RIF1: variants seen among roughly 807,000 people sequenced by gnomAD.
RIF1 encodes the protein replication timing regulatory factor 1, also known as telomere-associated protein RIF1.
A neutral mutation model predicts 247.1 loss-of-function variants in RIF1; 45 were observed. The observed-to-expected ratio is 0.18, with a 90% CI of 0.14 to 0.23. The LOEUF is 0.23. Ranked by LOEUF, RIF1 falls within the 10% of genes least tolerant of loss-of-function variation. The pLI, the probability that RIF1 is intolerant of heterozygous loss-of-function variation, is 1.00. For missense variants in RIF1, 2,967 were observed against 2,862.5 expected (o/e 1.04, Z -0.83); for synonymous variants, 1,087 against 978.8 (o/e 1.11, Z -2.06).
chr2:151,488,142 C>T (rs905263942), intron 9 of RIF1, among the ~76,000 whole-genome samples: 4 of 151,878 alleles, frequency 2.6e-5, no homozygotes, highest in Non-Finnish European at 5.9e-5. Flanking sequence ...ATTTTGAGGG[C>T]GAGGGGAATA....
the RIF1 span, among the ~76,000 whole-genome samples, chr2:151,526,573 A>G: frequency 2.6e-5 from 4 of 152,178 alleles, no homozygotes; most frequent in Non-Finnish European, 4.4e-5. Context: ...CCGTCTTTAC[A>G]GAGGAGGAAA....
the RIF1 span, chr2:151,533,531 T>G: frequency 6.5e-7 from 1 of 1,550,228 alleles, no homozygotes; most frequent in South Asian, 1.2e-5. Flanking sequence ...ATCTTGGCAC[T>G]AGATTTATAT....
chr2:151,465,619 T>C lies in RIF1; in HGVS notation c.6099T>C (p.Thr2033=), dbSNP rs779547462. 4 of 1,613,870 alleles carry C rather than the reference T, an allele frequency of 2.5e-6. No individual in the cohort carries two copies. The highest frequency in any genetic ancestry group is 3.4e-6 in the Non-Finnish European group (4 of 1,179,988). ...TGATCGGCGAGGCAATGGCTGAAAC[T>C]GGCCATGATGGTGAAACAGAGAATG... ...EMMIGEAMAE[T]GHDGETENEG... Residue 2033 remains threonine, a synonymous_variant, in exon 30 of 36, where the codon ACT becomes ACC. Coordinates refer to ENST00000444746, the MANE Select transcript of RIF1 (RefSeq NM_018151.5).
the RIF1 span, chr2:151,527,471 C>T: frequency 1.9e-6 from 3 of 1,601,786 alleles, no homozygotes; most frequent in African/African-American, 4.0e-5. Flanking sequence ...CTGTGTCTCT[C>T]CTGTCTTACA....
intron 3 of RIF1, among the ~76,000 whole-genome samples, 168 bp downstream of exon 3, chr2:151,411,506 G>A (rs544135831): frequency 8.0e-4 from 121 of 152,144 alleles, no homozygotes; most frequent in Admixed American, 2.5e-3. Context: ...GGGTTCAAGC[G>A]ATTCTCTTGC....
At chr2:151,434,585 C>T (rs1158607418) in intron 10 of RIF1, among the ~76,000 whole-genome samples, 4 of 151,780 alleles carry the variant, frequency 2.6e-5, no homozygotes, top group African/African-American at 4.8e-5. Flanking sequence ...GGACTACAGG[C>T]GCCCGCCACC....
rs148463669 is a variant in RIF1 at position 151,446,761 on chromosome 2, G to T, written c.2244+186G>T. The stretch of plus-strand genomic sequence containing the variant: ...TTTGGGCTCTAAGATTCAGTTTTGG[G>T]ATCATTAATAGTGAAGATCTTTTAC... On this transcript the variant is annotated intron_variant, in intron 20 of 35. Coordinates refer to ENST00000444746, the MANE Select transcript of RIF1 (RefSeq NM_018151.5). Among the ~76,000 whole-genome samples, 114 of 152,012 alleles carry T rather than the reference G, an allele frequency of 7.5e-4. 3 individuals carry two copies. The East Asian group carries it at 0.02, about 27-fold the overall frequency.
At position 151,464,731 on chromosome 2, in the gene RIF1, A is replaced by C; in HGVS notation, c.5211A>C (p.Glu1737Asp). Residue 1737 changes from glutamate to aspartate, a missense_variant, in exon 30 of 36, where the codon GAA (glutamate) becomes GAC (aspartate). Glu to Asp is a conservative substitution (Grantham distance 45). This residue lies in a region of RIF1 where 2,028 missense variants were observed against 1,825.6 expected (regional missense o/e 1.11). Transcript: ENST00000444746. ...RRSKGCDCCGEKSQPQEKSLI... is the reference protein window; with the variant it reads ...RRSKGCDCCGDKSQPQEKSLI... The stretch of plus-strand genomic sequence containing the variant: ...CTAAAGGTTGTGATTGCTGTGGGGA[A>C]AAATCACAACCTCAGGAAAAGTCAC... 2 of 1,613,556 alleles carry C rather than the reference A, an allele frequency of 1.2e-6. No individual in the cohort carries two copies. Among genetic ancestry groups the C allele is most frequent in the Non-Finnish European group, 1.7e-6 (2 of 1,179,794 alleles).
At chr2:151,430,737 T>C (rs1378247756) in intron 9 of RIF1, among the ~76,000 whole-genome samples, 2 of 146,616 alleles carry the variant, frequency 1.4e-5, no homozygotes, top group African/African-American at 2.5e-5. Context: ...ACTGCAGCCT[T>C]GACCTCCTGG....
At chr2:151,435,729 A>G (rs1183722193) in intron 11 of RIF1, 149 bp downstream of exon 11, 4 of 551,324 alleles carry the variant, frequency 7.3e-6, no homozygotes, top group African/African-American at 1.9e-5. Flanking sequence ...TTTTAGGTTC[A>G]TTACCAAAAA....
At chr2:151,506,690 T>A (rs1187108808) in intron 13 of RIF1, among the ~76,000 whole-genome samples, 1 of 152,214 alleles carries the variant, frequency 6.6e-6, no homozygotes, top group Admixed American at 6.5e-5. Flanking sequence ...TTAAAAAATT[T>A]AAAAATAAAA....
chr2:151,459,380 A>G (rs1188041589), intron 25 of RIF1, among the ~76,000 whole-genome samples: 2 of 152,204 alleles, frequency 1.3e-5, no homozygotes, highest in Admixed American at 6.5e-5. Context: ...CACGGGTACT[A>G]TAGACTTGTG....
In RIF1 at chr2:151,415,455, G is replaced by A. The variant is rs577108124; in HGVS notation, c.280+536G>A. Among the ~76,000 whole-genome samples, 21 of 150,998 alleles carry A rather than the reference G, an allele frequency of 1.4e-4. No individual in the cohort carries two copies. The South Asian group carries it at 3.6e-3, about 26-fold the overall frequency. On this transcript the variant is annotated intron_variant, in intron 4 of 35. Transcript: ENST00000444746. ...GTATTTGACAAAAGATTAGCCGGGC[G>A]TGGTGGCAGGTGCCTGTAGTCCCAT...
intron 6 of RIF1, among the ~76,000 whole-genome samples, chr2:151,417,629 T>G (rs530915670): frequency 1.2e-4 from 18 of 152,330 alleles, no homozygotes; most frequent in Non-Finnish European, 2.4e-4. Flanking sequence ...TCCTAAACAG[T>G]ACAGTATAAC....
downstream of RIF1, chr2:151,485,792 T>C (rs370369451): frequency 3.1e-6 from 5 of 1,612,946 alleles, no homozygotes; most frequent in Admixed American, 1.7e-5. Flanking sequence ...GCTGGGAGCA[T>C]TCCGGTCCTG....
chr2:151,494,930 G>A (rs1417244625), intron 9 of RIF1: 6 of 153,516 alleles, frequency 3.9e-5, no homozygotes, highest in South Asian at 4.1e-4. Context: ...TTACAGGCGT[G>A]AGCCACCACA....
the RIF1 span, chr2:151,513,676 G>A: frequency 8.1e-6 from 13 of 1,602,720 alleles, no homozygotes; most frequent in Non-Finnish European, 1.1e-5. Context: ...CCAGTTCCAG[G>A]TCTCGCTTAT....
downstream of RIF1, among the ~76,000 whole-genome samples, chr2:151,483,899 A>G (rs894977911): frequency 6.6e-6 from 1 of 152,218 alleles, no homozygotes; most frequent in Non-Finnish European, 1.5e-5. Context: ...GAGGTGGAAC[A>G]GTTTCGTTCC....
the RIF1 span, chr2:151,526,886 G>C: frequency 7.0e-7 from 1 of 1,433,500 alleles, no homozygotes; most frequent in Non-Finnish European, 9.7e-7. Flanking sequence ...CCTGAGTGAG[G>C]TTAGGCATCA....
Sources: allele counts gnomAD v4.1 joint callset (sites outside exome capture counted in the v4.1 genomes callset), GRCh38; gene constraint gnomAD v4.1.1; regional missense constraint gnomAD v4.1.1; transcripts MANE v1.5; gene names NCBI Gene and HGNC (gene_info 2026-07-23, HGNC 2026-07-21).